The following CYRIA variants were observed in gnomAD, a reference collection of about 807,000 sequenced individuals.
The protein encoded by CYRIA is CYFIP related Rac1 interactor A.
CYRIA carries 15 observed loss-of-function variants against 43.9 expected under a neutral mutation model. The observed-to-expected ratio is 0.34, with a 90% confidence interval of 0.23 to 0.53. The LOEUF is 0.53. Ranked by LOEUF, CYRIA falls within the 20% of genes least tolerant of loss-of-function variation. The pLI, the probability that CYRIA is intolerant of heterozygous loss-of-function variation, is 0.94. For synonymous variants in CYRIA, 117 were observed against 136.0 expected (o/e 0.86, Z 0.97); for missense variants, 236 against 394.2 (o/e 0.60, Z 3.40).
rs1666324376 is a variant in CYRIA at position 16,551,791 on chromosome 2, T to C, written c.*1145A>G. ...ATTGCCCATTTTAGAGACAAGGAGG[T>C]TAAGACTCAGAAAGCTTAAACACAT... is the stretch of plus-strand genomic sequence containing the variant. On this transcript the variant is annotated 3_prime_UTR_variant, in exon 12 of 12. Coordinates refer to ENST00000381323, the MANE Select transcript of CYRIA (RefSeq NM_030797.4). 6.6e-6 allele frequency: 1 copy of C among 151,962 alleles called. No individual in the cohort carries two copies. Among genetic ancestry groups the C allele is most frequent in the African/African-American group, 2.4e-5 (1 of 41,402 alleles). The allele number at this position is 151,962 out of a possible 1,614,324, so 9.4% of individuals were successfully genotyped here.
At chr2:16,571,186 C>CATAA (rs1667115400) in intron 3 of CYRIA, among the ~76,000 whole-genome samples, 1 of 152,176 alleles carries the variant, frequency 6.6e-6, no homozygotes, top group Non-Finnish European at 1.5e-5. Context: ...TTTGCAATAG[C>CATAA]ATAAGTACCT....
chr2:16,569,678 T>C (rs990372137), intron 3 of CYRIA, among the ~76,000 whole-genome samples: 2 of 152,174 alleles, frequency 1.3e-5, no homozygotes, highest in South Asian at 2.1e-4. Context: ...TCTTTTCAAA[T>C]GGGAAAAGAA....
intron 1 of CYRIA, among the ~76,000 whole-genome samples, chr2:16,661,748 G>A (rs914755577): frequency 5.9e-5 from 9 of 152,104 alleles, no homozygotes; most frequent in South Asian, 2.1e-4. Context: ...CCAAGGAAAC[G>A]ACAATGCTGT....
chr2:16,613,753 C>T (rs1558427080), intron 2 of CYRIA, among the ~76,000 whole-genome samples: 2 of 152,194 alleles, frequency 1.3e-5, no homozygotes, highest in Non-Finnish European at 2.9e-5. Context: ...GTTCAACATC[C>T]TGAATATTTT....
intron 1 of CYRIA, among the ~76,000 whole-genome samples, chr2:16,656,828 T>A (rs1670126612): frequency 6.6e-6 from 1 of 152,212 alleles, no homozygotes; most frequent in Non-Finnish European, 1.5e-5. Flanking sequence ...AAGCAGCCAG[T>A]GAGACCTCGT....
At chr2:16,654,965 T>C (rs190559476) in intron 1 of CYRIA, among the ~76,000 whole-genome samples, 218 of 152,280 alleles carry the variant, frequency 1.4e-3, no homozygotes, top group African/African-American at 4.6e-3. Context: ...ACTCAATCTA[T>C]TTCCTGAATC....
intron 3 of CYRIA, among the ~76,000 whole-genome samples, chr2:16,575,683 G>A (rs1478252041): frequency 1.3e-5 from 2 of 151,678 alleles, no homozygotes; most frequent in Non-Finnish European, 2.9e-5. Context: ...GTGAAACCCC[G>A]TCTCTACTAA....
chr2:16,551,393 T>C lies in CYRIA; in HGVS notation c.*1543A>G, dbSNP rs1029754835. On this transcript the variant is annotated 3_prime_UTR_variant, in exon 12 of 12. Coordinates refer to ENST00000381323, the MANE Select transcript of CYRIA (RefSeq NM_030797.4). ...TAGTGGAAACAGGCAAGTAACAATA[T>C]AGACCAGACTGAGGATTTACTTAGA... is the stretch of plus-strand genomic sequence containing the variant. The C allele has an allele frequency of 1.3e-5, 2 of 152,146 alleles. No individual in the cohort carries two copies. Among genetic ancestry groups the C allele is most frequent in the Non-Finnish European group, 2.9e-5 (2 of 68,030 alleles). The allele number at this position is 152,146 out of a possible 1,614,324, so 9.4% of individuals were successfully genotyped here.
At chr2:16,555,706 C>A (rs764128510) in intron 10 of CYRIA, among the ~76,000 whole-genome samples, 1 of 152,114 alleles carries the variant, frequency 6.6e-6, no homozygotes, top group Non-Finnish European at 1.5e-5. Context: ...CAACCAACAC[C>A]TTTCTGTGCT....
At chr2:16,629,292 CT>C (rs753664653) in intron 1 of CYRIA, among the ~76,000 whole-genome samples, 6 of 152,208 alleles carry the variant, frequency 3.9e-5, no homozygotes, top group Non-Finnish European at 7.3e-5. Context: ...GAGATCCTCC[CT>C]TTTCCCCTGA....
chr2:16,574,048 G>A (rs1667236563), intron 3 of CYRIA, among the ~76,000 whole-genome samples: 1 of 152,188 alleles, frequency 6.6e-6, no homozygotes, highest in Non-Finnish European at 1.5e-5. Flanking sequence ...CTAGAGACTT[G>A]CTGAATAGCT....
intron 11 of CYRIA, among the ~76,000 whole-genome samples, chr2:16,554,098 C>T (rs1666414557): frequency 6.6e-6 from 1 of 152,044 alleles, no homozygotes; most frequent in Non-Finnish European, 1.5e-5. Context: ...AACAGATCAC[C>T]CTTACCTCTC....
rs5829557 is a variant in CYRIA at position 16,657,480 on chromosome 2, GTT to G, written c.-167+8298_-167+8299del. On this transcript the variant is annotated intron_variant, in intron 1 of 11. Transcript: ENST00000381323. ...CCCATGTTTTTTGATGTTTTTTGTT[GTT>G]TTTTTTTTTTTGGCTGTTGTTTTGT... Among the ~76,000 whole-genome samples, 34 of 140,488 alleles carry G rather than the reference GTT, an allele frequency of 2.4e-4. No individual in the cohort carries two copies. The East Asian group carries it at 3.6e-3, about 15-fold the overall frequency. The allele number at this position is 140,488 out of a possible 152,430, so 92.2% of individuals were successfully genotyped here.
At chr2:16,644,260 T>C (rs1006651365) in intron 1 of CYRIA, among the ~76,000 whole-genome samples, 1 of 152,240 alleles carries the variant, frequency 6.6e-6, no homozygotes, top group Non-Finnish European at 1.5e-5. Flanking sequence ...AATGCCTGGT[T>C]TGACCCCAGG....
At chr2:16,554,923 T>C (rs1371772139) in intron 11 of CYRIA, 146 bp downstream of exon 11, 1 of 560,718 alleles carries the variant, frequency 1.8e-6, no homozygotes, top group Non-Finnish European at 3.1e-6. Context: ...ATAAAAATGG[T>C]GCTGACCTCA....
At chr2:16,609,097 C>T (rs1455746874) in intron 2 of CYRIA, among the ~76,000 whole-genome samples, 2 of 152,186 alleles carry the variant, frequency 1.3e-5, no homozygotes, top group African/African-American at 2.4e-5. Context: ...TTTGCACAAC[C>T]CCGCCGTGCT....
At chr2:16,569,142 A>G (rs371515347) in intron 3 of CYRIA, among the ~76,000 whole-genome samples, 3 of 152,148 alleles carry the variant, frequency 2.0e-5, no homozygotes, top group South Asian at 2.1e-4. Context: ...CATTTATATG[A>G]CCACAGAGTT....
intron 3 of CYRIA, among the ~76,000 whole-genome samples, chr2:16,574,046 T>G (rs1667236442): frequency 6.6e-6 from 1 of 152,174 alleles, no homozygotes; most frequent in Non-Finnish European, 1.5e-5. Context: ...CCCTAGAGAC[T>G]TGCTGAATAG....
In CYRIA at chr2:16,641,168, C is replaced by T. The variant is rs149667609; in HGVS notation, c.-166-17149G>A. 3.4e-3 allele frequency among the ~76,000 whole-genome samples: 520 copies of T among 152,288 alleles called. 5 individuals are homozygous for T. The highest frequency in any genetic ancestry group is 0.011 in the African/African-American group (474 of 41,560). ...CCAGATGACTCTTCCCAAAGCAGCACGGCTATTATTGCATCACTCTATGGC... is the reference window on the plus strand; with the variant it reads ...CCAGATGACTCTTCCCAAAGCAGCATGGCTATTATTGCATCACTCTATGGC... On this transcript the variant is annotated intron_variant, in intron 1 of 11. Transcript: ENST00000381323.
Sources: allele counts gnomAD v4.1 joint callset (sites outside exome capture counted in the v4.1 genomes callset), GRCh38; gene constraint gnomAD v4.1.1; transcripts MANE v1.5; gene names NCBI Gene and HGNC (gene_info 2026-07-23, HGNC 2026-07-21).